The following RBFOX3 variants were observed in gnomAD, a reference collection of about 807,000 sequenced individuals.
RBFOX3 encodes the protein RNA binding fox-1 homolog 3, also known as RNA binding protein fox-1 homolog 3.
Under a neutral mutation model 48.7 loss-of-function variants are expected in RBFOX3, and 17 were observed. The ratio of observed to expected loss-of-function variants is 0.35; its 90% CI spans 0.24 to 0.52. The LOEUF is 0.52. Ranked by LOEUF, RBFOX3 falls within the 20% of genes least tolerant of loss-of-function variation. The pLI, the probability that RBFOX3 is intolerant of heterozygous loss-of-function variation, is 0.94. For missense variants in RBFOX3, 382 were observed against 497.5 expected (o/e 0.77, Z 2.21); for synonymous variants, 212 against 209.5 (o/e 1.01, Z -0.10).
the RBFOX3 span, among the ~76,000 whole-genome samples, chr17:79,621,132 G>A: frequency 6.6e-6 from 1 of 151,988 alleles, no homozygotes; most frequent in African/African-American, 2.4e-5. Context: ...CCAAGTAGCT[G>A]GGACTACAGG....
chr17:79,532,883 C>T (rs1462423003), intron 1 of RBFOX3, among the ~76,000 whole-genome samples: 5 of 152,146 alleles, frequency 3.3e-5, no homozygotes, highest in South Asian at 2.1e-4. Context: ...TGGCCCCTGT[C>T]GAAACTGCTC....
In RBFOX3 at chr17:79,535,667, T is replaced by C. The variant is rs1408642510; in HGVS notation, c.-319-53069A>G. Among the ~76,000 whole-genome samples the C allele has an allele frequency of 6.6e-6, 1 of 152,204 alleles. No individual in the cohort carries two copies. The highest frequency in any genetic ancestry group is 1.5e-5 in the Non-Finnish European group (1 of 68,032). On this transcript the variant is annotated intron_variant, in intron 1 of 14. Transcript: ENST00000693108. This position sits in a 1 kb window ranked among gnomAD's most constrained non-coding sequence, Gnocchi z 4.5. The stretch of plus-strand genomic sequence containing the variant: ...ATAGCCAGCCCACAAAGACACAGTA[T>C]GCGCAGCCAGGCAAGGTTGCCTGTG...
intron 3 of RBFOX3, among the ~76,000 whole-genome samples, chr17:79,276,947 T>C (rs780166799): frequency 6.6e-6 from 1 of 152,196 alleles, no homozygotes. Context: ...GCCAGCTCCC[T>C]GTGGCTCTAG....
rs887531360 is a variant in RBFOX3, at chr17:79,092,988, C to T, written c.1077+1463G>A. 6.8e-4 allele frequency among the ~76,000 whole-genome samples: 104 copies of T among 152,268 alleles called. 1 individual carries two copies. Among genetic ancestry groups the T allele is most frequent in the African/African-American group, 2.4e-3 (99 of 41,518 alleles). ...GGTCCCAGCTTGAGCCCCACCTCCT[C>T]GCACCCCAGCAGGGTGGCACGGGGC... On this transcript the variant is annotated intron_variant, in intron 14 of 14. Transcript: ENST00000693108.
chr17:79,265,190 C>T (rs1029044316), intron 3 of RBFOX3, among the ~76,000 whole-genome samples: 12 of 152,210 alleles, frequency 7.9e-5, no homozygotes, highest in Non-Finnish European at 2.9e-5. Context: ...CCTCTCACCA[C>T]CCTTCAGCCT....
intron 1 of RBFOX3, among the ~76,000 whole-genome samples, chr17:79,515,340 G>A (rs2085099482): frequency 6.6e-6 from 1 of 152,070 alleles, no homozygotes; most frequent in South Asian, 2.1e-4. Flanking sequence ...CATGGCCCAG[G>A]GCCCAGTGAT....
At chr17:79,440,157 A>T (rs1354698007) in intron 2 of RBFOX3, among the ~76,000 whole-genome samples, 2 of 152,160 alleles carry the variant, frequency 1.3e-5, no homozygotes, top group African/African-American at 2.4e-5. Context: ...AGCCTTACCG[A>T]ACAGAGATAA....
At chr17:79,122,966 A>G (rs1360525874) in intron 4 of RBFOX3, among the ~76,000 whole-genome samples, 6 of 152,180 alleles carry the variant, frequency 3.9e-5, no homozygotes, top group Admixed American at 1.3e-4. Context: ...AAAGACAAAC[A>G]TCGCATGTTC....
At chr17:79,491,095 A>G (rs1598917637) in intron 1 of RBFOX3, among the ~76,000 whole-genome samples, 1 of 3,850 alleles carries the variant, frequency 2.6e-4, no homozygotes, top group Non-Finnish European at 4.1e-4. Flanking sequence ...AGGCGAGGGG[A>G]GGGGAGGGGA....
the RBFOX3 span, among the ~76,000 whole-genome samples, chr17:79,655,071 C>A: frequency 6.6e-6 from 1 of 152,156 alleles, no homozygotes; most frequent in African/African-American, 2.4e-5. Context: ...AGGGAAAGCA[C>A]CCAAGTAGAT....
At chr17:79,345,876 A>G (rs1285722152) in intron 2 of RBFOX3, among the ~76,000 whole-genome samples, 1 of 151,924 alleles carries the variant, frequency 6.6e-6, no homozygotes, top group East Asian at 1.9e-4. Flanking sequence ...TACTCATTTG[A>G]TGTGTCTTGT....
chr17:79,387,777 C>T (rs1469807791), intron 2 of RBFOX3, among the ~76,000 whole-genome samples: 1 of 152,232 alleles, frequency 6.6e-6, no homozygotes, highest in Non-Finnish European at 1.5e-5. Context: ...GGGGCCTGGG[C>T]ACTTGGAGTT....
intron 2 of RBFOX3, among the ~76,000 whole-genome samples, chr17:79,411,953 C>T (rs139194219): frequency 1.3e-4 from 20 of 151,876 alleles, no homozygotes; most frequent in Admixed American, 3.9e-4. Context: ...CGTGTATGCA[C>T]GTGTGTATAT....
chr17:79,620,069 GC>G, the RBFOX3 span, among the ~76,000 whole-genome samples: 1 of 126,636 alleles, frequency 7.9e-6, no homozygotes, highest in Non-Finnish European at 1.7e-5. Context: ...ATATGTACAT[GC>G]ACACATGCAC....
chr17:79,557,986 G>A lies in RBFOX3; in HGVS notation c.-320+52840C>T, dbSNP rs985838755. ...TCCCAAGTAAATTGAGATTCAGCTTGAAGAAAAATTACAAACACTCAAATC... is the reference window on the plus strand; with the variant it reads ...TCCCAAGTAAATTGAGATTCAGCTTAAAGAAAAATTACAAACACTCAAATC... On this transcript the variant is annotated intron_variant, in intron 1 of 14. Transcript: ENST00000693108. Among the ~76,000 whole-genome samples the A allele has an allele frequency of 7.2e-5, 11 of 152,292 alleles. No individual in the cohort carries two copies. The East Asian group carries it at 2.1e-3, about 29-fold the overall frequency.
chr17:79,215,262 C>T (rs953256410), intron 4 of RBFOX3, among the ~76,000 whole-genome samples: 2 of 151,970 alleles, frequency 1.3e-5, no homozygotes, highest in South Asian at 2.1e-4. Flanking sequence ...AGCCCAGCAA[C>T]GCTGAGGCTG....
chr17:79,112,387 G>C (rs897507438), intron 5 of RBFOX3, among the ~76,000 whole-genome samples: 9 of 152,266 alleles, frequency 5.9e-5, no homozygotes, highest in Admixed American at 5.2e-4. Flanking sequence ...GATGAACACG[G>C]ACTTCCCACC....
Position 79,364,813 on chromosome 17 carries a change from G to A in RBFOX3, c.-174-56989C>T, listed in dbSNP as rs114790022. Among the ~76,000 whole-genome samples, 72 of 152,328 alleles carry A rather than the reference G, an allele frequency of 4.7e-4. No individual in the cohort carries two copies. The highest frequency in any genetic ancestry group is 1.7e-3 in the African/African-American group (69 of 41,576). On this transcript the variant is annotated intron_variant, in intron 2 of 14. Transcript: ENST00000693108. This position sits in a 1 kb window ranked among gnomAD's most constrained non-coding sequence, Gnocchi z 5.1. Reference sequence around the variant, plus strand: ...CAGGATGACTACCCAGCCCACGCATGTGGCCTTACCTACAGCCTGGGTTGC... The same window carrying A: ...CAGGATGACTACCCAGCCCACGCATATGGCCTTACCTACAGCCTGGGTTGC...
At chr17:79,624,102 G>C in the RBFOX3 span, among the ~76,000 whole-genome samples, 1 of 152,170 alleles carries the variant, frequency 6.6e-6, no homozygotes, top group Non-Finnish European at 1.5e-5. Flanking sequence ...CCTCCAGAAC[G>C]GCAAGATAAT....
Sources: allele counts gnomAD v4.1 joint callset (sites outside exome capture counted in the v4.1 genomes callset), GRCh38; gene constraint gnomAD v4.1.1; non-coding constraint Gnocchi (gnomAD v3.1); transcripts MANE v1.5; gene names NCBI Gene and HGNC (gene_info 2026-07-23, HGNC 2026-07-21).